PPP1R1C: variants seen among roughly 807,000 people sequenced by gnomAD.
The protein encoded by PPP1R1C is protein phosphatase 1 regulatory subunit 1C.
PPP1R1C carries 15 observed loss-of-function variants against 17.4 expected under a neutral mutation model. The ratio of observed to expected loss-of-function variants is 0.86; its 90% CI spans 0.58 to 1.33. The LOEUF (loss-of-function observed/expected upper bound fraction) is 1.33, where lower values mean the gene tolerates loss of function less well. Among genes scored for constraint, PPP1R1C ranks in the 40% most tolerant of loss-of-function variants. The pLI is 0.00. For synonymous variants in PPP1R1C, 35 were observed against 43.1 expected (o/e 0.81, Z 0.73); for missense variants, 143 against 130.0 (o/e 1.10, Z -0.48).
chr2:182,065,749 AG>A (rs1687967389), intron 4 of PPP1R1C, among the ~76,000 whole-genome samples: 1 of 152,126 alleles, frequency 6.6e-6, no homozygotes, highest in African/African-American at 2.4e-5. Context: ...AATTCTAAAA[AG>A]AAAAAAAGAA....
At chr2:182,037,114 G>A (rs1687035009) in intron 2 of PPP1R1C, among the ~76,000 whole-genome samples, 1 of 152,242 alleles carries the variant, frequency 6.6e-6, no homozygotes, top group African/African-American at 2.4e-5. Context: ...GGAGCAAAAA[G>A]AAGAAGGGCA....
rs1685283801 is a variant in PPP1R1C at position 181,985,940 on chromosome 2, G to T, written c.-171G>T. On this transcript the variant is annotated 5_prime_UTR_variant, in exon 1 of 5. Transcript: ENST00000682840. This position sits in a 1 kb window ranked among gnomAD's most constrained non-coding sequence, Gnocchi z 4.1. ...GGCATCACCGTGGATGTTGAAGAAGGGGGTTACTCAAACCTCGGCATCTTC... is the reference window on the plus strand; with the variant it reads ...GGCATCACCGTGGATGTTGAAGAAGTGGGTTACTCAAACCTCGGCATCTTC... 8.0e-6 allele frequency: 5 copies of T among 622,170 alleles called. No individual in the cohort carries two copies. The highest frequency in any genetic ancestry group is 8.6e-6 in the Non-Finnish European group (3 of 348,426). The allele number at this position is 622,170 out of a possible 1,614,324, so 38.5% of individuals were successfully genotyped here. A position where few individuals can be genotyped will look rare whatever the true frequency, so the allele number is the denominator to read the frequency against.
At chr2:182,064,740 C>T (rs1687941002) in intron 4 of PPP1R1C, among the ~76,000 whole-genome samples, 1 of 151,944 alleles carries the variant, frequency 6.6e-6, no homozygotes, top group South Asian at 2.1e-4. Flanking sequence ...GAACATAATA[C>T]AATCATCAGC....
chr2:181,972,336 C>A (rs959958785), intron 1 of PPP1R1C, among the ~76,000 whole-genome samples: 1 of 152,008 alleles, frequency 6.6e-6, no homozygotes, highest in Non-Finnish European at 1.5e-5. Context: ...GTGTGATGTA[C>A]GAAAAATGGC....
intron 4 of PPP1R1C, among the ~76,000 whole-genome samples, chr2:182,107,195 A>G (rs1160866542): frequency 6.6e-6 from 1 of 152,180 alleles, no homozygotes; most frequent in African/African-American, 2.4e-5. Flanking sequence ...GGTAATCTTT[A>G]TTAATTTTTA....
chr2:182,052,458 A>G (rs1687553048), intron 2 of PPP1R1C, among the ~76,000 whole-genome samples: 1 of 152,238 alleles, frequency 6.6e-6, no homozygotes, highest in Non-Finnish European at 1.5e-5. Flanking sequence ...TGATAAGTGA[A>G]ATAATCAAGT....
chr2:182,028,418 T>C (rs1161583411), intron 2 of PPP1R1C, among the ~76,000 whole-genome samples: 1 of 151,880 alleles, frequency 6.6e-6, no homozygotes, highest in Non-Finnish European at 1.5e-5. Flanking sequence ...TGTGTCTTTG[T>C]TCTCATTGGT....
intron 2 of PPP1R1C, among the ~76,000 whole-genome samples, chr2:182,045,440 CAA>C (rs11360325): frequency 2.6e-4 from 38 of 147,000 alleles, no homozygotes; most frequent in East Asian, 6.0e-4. Context: ...CTGTTAGTAA[CAA>C]AAAAAAAAAA....
At chr2:182,092,700 A>C (rs1688817505) in intron 4 of PPP1R1C, among the ~76,000 whole-genome samples, 1 of 152,202 alleles carries the variant, frequency 6.6e-6, no homozygotes, top group Non-Finnish European at 1.5e-5. Context: ...CTACAGGCCC[A>C]ATGCAAGTCC....
chr2:182,117,119 G>C lies in PPP1R1C; in HGVS notation c.242-88G>C, dbSNP rs1882211. On this transcript the variant is annotated intron_variant, in intron 4 of 4. Coordinates refer to ENST00000682840, the MANE Select transcript of PPP1R1C (RefSeq NM_001080545.3). The stretch of plus-strand genomic sequence containing the variant: ...CATATAAACACCAAATGAAAACTTT[G>C]CACTCTTTTCTTTATCTTTTGCAGC... 576,134 of 908,338 alleles carry C rather than the reference G, an allele frequency of 0.63. 184,080 individuals carry two copies. The highest frequency in any genetic ancestry group is 0.69 in the African/African-American group (39,727 of 57,734). 56.3% of individuals were successfully genotyped at this position (908,338 alleles called of 1,614,324 possible). A position where few individuals can be genotyped will look rare whatever the true frequency, so the allele number is the denominator to read the frequency against.
Position 181,961,747 on chromosome 2 carries a change from A to T in PPP1R1C, n.111+7113A>T, listed in dbSNP as rs1684798584. 1.5e-5 allele frequency: 17 copies of T among 1,105,818 alleles called. No homozygotes were observed. The highest frequency in any genetic ancestry group is 2.1e-5 in the Non-Finnish European group (15 of 731,064). The allele number at this position is 1,105,818 out of a possible 1,614,324, so 68.5% of individuals were successfully genotyped here. Reference sequence around the variant, plus strand: ...CCGGATATCTGCTATGATCTTGGCAAGGTCCTGAGATTTGGGGGCATCTAC... The same window carrying T: ...CCGGATATCTGCTATGATCTTGGCATGGTCCTGAGATTTGGGGGCATCTAC... On this transcript the variant is annotated intron_variant and non_coding_transcript_variant, in intron 1 of 5. Coordinates refer to the PPP1R1C transcript ENST00000464264. This position sits in a 1 kb window ranked among gnomAD's most constrained non-coding sequence, Gnocchi z 5.8.
chr2:182,081,225 A>G (rs189072779), intron 4 of PPP1R1C, among the ~76,000 whole-genome samples: 16 of 152,352 alleles, frequency 1.1e-4, no homozygotes, highest in Admixed American at 3.3e-4. Context: ...CTTTCTGAGC[A>G]TAGTGCCAAC....
intron 4 of PPP1R1C, among the ~76,000 whole-genome samples, chr2:182,064,457 T>C: frequency 6.6e-6 from 1 of 152,114 alleles, no homozygotes; most frequent in Non-Finnish European, 1.5e-5. Flanking sequence ...TCATGTTTTT[T>C]CCAGTCTGGT....
intron 5 of PPP1R1C, among the ~76,000 whole-genome samples, chr2:182,124,314 G>GTTTTTTTTTTTTTTTTTTTTT (rs796745919): frequency 1.4e-4 from 6 of 42,064 alleles, no homozygotes; most frequent in Middle Eastern, 0.017. Context: ...GTTTTTTTTT[G>GTTTTTTTTTTTTTTTTTTTTT]TTTTTTTTTT....
intron 2 of PPP1R1C, among the ~76,000 whole-genome samples, chr2:182,045,180 G>C (rs1231499075): frequency 6.6e-6 from 1 of 152,164 alleles, no homozygotes; most frequent in Admixed American, 6.5e-5. Context: ...TGAAGGTTAA[G>C]ATTTTCGGGA....
intron 2 of PPP1R1C, among the ~76,000 whole-genome samples, chr2:182,036,582 C>T (rs781009919): frequency 2.6e-5 from 4 of 152,032 alleles, no homozygotes; most frequent in Admixed American, 6.6e-5. Context: ...TAGGTGATCT[C>T]TAAGGTATCT....
At chr2:182,078,326 G>A (rs563752929) in intron 4 of PPP1R1C, among the ~76,000 whole-genome samples, 4 of 152,048 alleles carry the variant, frequency 2.6e-5, no homozygotes, top group South Asian at 2.1e-4. Flanking sequence ...TATTCCTGTC[G>A]TGTCTTACTT....
At chr2:181,964,021 C>T (rs899144522) in intron 1 of PPP1R1C, among the ~76,000 whole-genome samples, 2 of 152,050 alleles carry the variant, frequency 1.3e-5, no homozygotes, top group Non-Finnish European at 2.9e-5. Flanking sequence ...TGACTGTATT[C>T]ACCCTGTTGT....
intron 5 of PPP1R1C, among the ~76,000 whole-genome samples, chr2:182,127,491 C>T (rs1335107681): frequency 6.6e-6 from 1 of 152,052 alleles, no homozygotes; most frequent in Non-Finnish European, 1.5e-5. Flanking sequence ...AAGACACCAA[C>T]AAGCAACAGG....
Sources: gnomAD v4.1 joint callset for allele counts (sites outside exome capture counted in the v4.1 genomes callset) on GRCh38, gnomAD v4.1.1 for gene constraint, Gnocchi (gnomAD v3.1) non-coding constraint, MANE v1.5 for transcripts, NCBI Gene and HGNC (gene_info 2026-07-23, HGNC 2026-07-21) for gene names.